Variants in RBFOX1 observed in about 807,000 individuals in gnomAD.
RBFOX1 encodes RNA binding fox-1 homolog 1.
Under a neutral mutation model 57.7 loss-of-function variants are expected in RBFOX1, and 8 were observed. The ratio of observed to expected loss-of-function variants is 0.14; its 90% CI spans 0.08 to 0.25. The LOEUF (loss-of-function observed/expected upper bound fraction) is 0.25, where lower values mean the gene tolerates loss of function less well. Among genes scored for constraint, RBFOX1 ranks in the 10% least tolerant of loss-of-function variants. The probability of loss-of-function intolerance (pLI) is 1.00; values close to 1 mark genes in which losing one functional copy is unlikely to be tolerated. For missense variants in RBFOX1, 611 were observed against 548.5 expected (o/e 1.11, Z -1.14); for synonymous variants, 326 against 222.4 (o/e 1.47, Z -4.15).
chr16:6,212,738 A>C (rs1002548708), intron 1 of RBFOX1, among the ~76,000 whole-genome samples: 3 of 151,780 alleles, frequency 2.0e-5, no homozygotes, highest in Non-Finnish European at 2.9e-5. Context: ...CAAAAAAAAA[A>C]CCCACTAATA....
At chr16:5,896,440 TCC>T (rs1488230549) in intron 4 of RBFOX1, among the ~76,000 whole-genome samples, 2 of 151,550 alleles carry the variant, frequency 1.3e-5, no homozygotes, top group African/African-American at 2.4e-5. Flanking sequence ...CTCCCTGCGC[TCC>T]CCCTGTTTTG....
intron 3 of RBFOX1, among the ~76,000 whole-genome samples, chr16:5,697,677 G>T (rs1378207678): frequency 7.0e-6 from 1 of 142,082 alleles, no homozygotes; most frequent in African/African-American, 2.7e-5. Flanking sequence ...AGGACTACAG[G>T]TGTGCGCCAC....
At chr16:5,951,394 G>T (rs1022302594) in intron 4 of RBFOX1, among the ~76,000 whole-genome samples, 2 of 152,138 alleles carry the variant, frequency 1.3e-5, no homozygotes, top group African/African-American at 4.8e-5. Context: ...GTTGCACAGA[G>T]TCGAGATGGC....
At chr16:5,897,498 A>T (rs2058196768) in intron 4 of RBFOX1, among the ~76,000 whole-genome samples, 1 of 152,188 alleles carries the variant, frequency 6.6e-6, no homozygotes, top group African/African-American at 2.4e-5. Flanking sequence ...GTTATTCTCG[A>T]AAATTGGCTT....
In RBFOX1 at chr16:6,528,065, G is replaced by A. The variant is rs187123555; in HGVS notation, c.-63-126538G>A. On this transcript the variant is annotated intron_variant, in intron 2 of 15. Coordinates refer to ENST00000550418, the MANE Select transcript of RBFOX1 (RefSeq NM_018723.4). ...ACCTTACATCCTTTCCACCCTCAAA[G>A]ATCAACAAAATCTTGTCACCTTCAG... Among the ~76,000 whole-genome samples, 219 of 152,170 alleles carry A rather than the reference G, an allele frequency of 1.4e-3. 1 individual carries two copies. In the Middle Eastern group the frequency reaches 0.034, roughly 24 times the overall value.
At chr16:7,291,132 C>CAGT (rs781169882) in intron 4 of RBFOX1, among the ~76,000 whole-genome samples, 2 of 152,112 alleles carry the variant, frequency 1.3e-5, no homozygotes. Context: ...TCAAGGTGAC[C>CAGT]AGTATCTGGA....
chr16:6,138,284 G>A (rs1354787510), intron 1 of RBFOX1, among the ~76,000 whole-genome samples: 3 of 152,198 alleles, frequency 2.0e-5, no homozygotes, highest in Non-Finnish European at 4.4e-5. Flanking sequence ...TTGAACAAGG[G>A]GGCCCCATGT....
intron 3 of RBFOX1, among the ~76,000 whole-genome samples, chr16:6,821,113 A>C (rs1603628853): frequency 6.6e-6 from 1 of 152,204 alleles, no homozygotes; most frequent in African/African-American, 2.4e-5. Flanking sequence ...TACACCATTA[A>C]AAAACAATAG....
intron 1 of RBFOX1, among the ~76,000 whole-genome samples, chr16:5,331,831 C>G (rs765642417): frequency 1.7e-4 from 26 of 152,240 alleles, no homozygotes; most frequent in Non-Finnish European, 2.8e-4. Context: ...TGACTCATGG[C>G]TGGTGACCAT....
intron 4 of RBFOX1, among the ~76,000 whole-genome samples, chr16:5,965,003 G>T (rs761736045): frequency 2.2e-4 from 33 of 152,048 alleles, no homozygotes; most frequent in Non-Finnish European, 3.7e-4. Context: ...GATTCTGGAG[G>T]ACATTATGCT....
At chr16:6,546,637 C>G (rs890544818) in intron 2 of RBFOX1, among the ~76,000 whole-genome samples, 1 of 152,198 alleles carries the variant, frequency 6.6e-6, no homozygotes, top group Admixed American at 6.5e-5. Context: ...CTTATAAGGA[C>G]ACATCCACCT....
At chr16:6,255,490 G>C (rs545785775) in intron 1 of RBFOX1, among the ~76,000 whole-genome samples, 1 of 152,174 alleles carries the variant, frequency 6.6e-6, no homozygotes, top group South Asian at 2.1e-4. Context: ...ATGAGTGCAT[G>C]CATGGTGATT....
At chr16:5,733,391 C>G (rs2052453865) in intron 3 of RBFOX1, among the ~76,000 whole-genome samples, 1 of 152,152 alleles carries the variant, frequency 6.6e-6, no homozygotes, top group African/African-American at 2.4e-5. Flanking sequence ...CCATGATTCA[C>G]ATTGCCAGGT....
chr16:5,890,943 C>T (rs1379259617), intron 4 of RBFOX1, among the ~76,000 whole-genome samples: 3 of 152,138 alleles, frequency 2.0e-5, no homozygotes, highest in Non-Finnish European at 4.4e-5. Flanking sequence ...TCAGTTGCTT[C>T]ATCCGCCTGG....
At chr16:7,437,029 C>G (rs940650676) in intron 4 of RBFOX1, among the ~76,000 whole-genome samples, 1 of 152,106 alleles carries the variant, frequency 6.6e-6, no homozygotes, top group African/African-American at 2.4e-5. Flanking sequence ...TGCAGTAAGC[C>G]AAGATCACAC....
intron 3 of RBFOX1, among the ~76,000 whole-genome samples, chr16:6,865,811 C>T (rs1025056703): frequency 5.3e-5 from 8 of 152,150 alleles, no homozygotes; most frequent in African/African-American, 1.7e-4. Context: ...CAGTTGCACA[C>T]GGAGAATTTT....
chr16:6,910,280 G>C (rs9924891), intron 3 of RBFOX1, among the ~76,000 whole-genome samples: 1 of 151,980 alleles, frequency 6.6e-6, no homozygotes, highest in Non-Finnish European at 1.5e-5. Flanking sequence ...TTCCAGAATC[G>C]TGTAGGGAGT....
intron 5 of RBFOX1, among the ~76,000 whole-genome samples, chr16:7,544,608 A>C (rs1443271506): frequency 6.6e-6 from 1 of 152,128 alleles, no homozygotes; most frequent in Non-Finnish European, 1.5e-5. Context: ...GAAAGAAGCA[A>C]GGACGGACTC....
At chr16:5,559,694 C>T (rs1371547037) in intron 2 of RBFOX1, among the ~76,000 whole-genome samples, 1 of 152,192 alleles carries the variant, frequency 6.6e-6, no homozygotes, top group African/African-American at 2.4e-5. Context: ...TGTAAATAAA[C>T]TTCCCAAATC....
Sources: allele counts gnomAD v4.1 joint callset (sites outside exome capture counted in the v4.1 genomes callset), GRCh38; gene constraint gnomAD v4.1.1; transcripts MANE v1.5; gene names NCBI Gene and HGNC (gene_info 2026-07-23, HGNC 2026-07-21).